Variants in MDGA2 observed in about 807,000 individuals in gnomAD.
MDGA2 encodes MAM domain containing glycosylphosphatidylinositol anchor 2, also known as MAM domain-containing glycosylphosphatidylinositol anchor protein 2.
Under a neutral mutation model 117.8 loss-of-function variants are expected in MDGA2, and 40 were observed. The ratio of observed to expected loss-of-function variants is 0.34; its 90% confidence interval spans 0.26 to 0.44. The LOEUF (loss-of-function observed/expected upper bound fraction) is 0.44. Among genes scored for constraint, MDGA2 ranks in the 20% least tolerant of loss-of-function variants. The pLI, the probability that MDGA2 is intolerant of heterozygous loss-of-function variation, is 1.00. For synonymous variants in MDGA2, 452 were observed against 439.0 expected, an observed-to-expected ratio of 1.03 and a Z score of -0.37; for missense variants, 1,123 against 1,250.6, an observed-to-expected ratio of 0.90 and a Z score of 1.54.
chr14:46,995,887 TATATA>T (rs1260776705), intron 8 of MDGA2, among the ~76,000 whole-genome samples: 8 of 152,124 alleles, frequency 5.3e-5, no homozygotes, highest in East Asian at 1.9e-4. Context: ...TTCTGTATAT[TATATA>T]ATATATTTTG....
chr14:46,905,112 TTATTTCA>T (rs1461364148), intron 10 of MDGA2, among the ~76,000 whole-genome samples: 1 of 152,240 alleles, frequency 6.6e-6, no homozygotes, highest in Non-Finnish European at 1.5e-5. Context: ...TGATTATCTT[TTATTTCA>T]TATTTCATTC....
At chr14:47,040,350 CTTTT>C (rs936548302) in intron 7 of MDGA2, among the ~76,000 whole-genome samples, 3 of 151,816 alleles carry the variant, frequency 2.0e-5, no homozygotes, top group Non-Finnish European at 4.4e-5. Context: ...TTATTTCCCT[CTTTT>C]TTTTACTGAT....
chr14:47,035,517 A>G (rs1424654728), intron 7 of MDGA2, among the ~76,000 whole-genome samples: 2 of 152,246 alleles, frequency 1.3e-5, no homozygotes, highest in East Asian at 3.8e-4. Context: ...TTCAAACATT[A>G]GCAAAATAAA....
At chr14:46,889,542 T>C (rs1882800319) in intron 10 of MDGA2, among the ~76,000 whole-genome samples, 2 of 152,142 alleles carry the variant, frequency 1.3e-5, no homozygotes, top group Non-Finnish European at 2.9e-5. Context: ...AGTTGTGTTC[T>C]AGCGTCTAGC....
chr14:47,638,771 T>C (rs184350237), intron 1 of MDGA2, among the ~76,000 whole-genome samples: 6 of 152,270 alleles, frequency 3.9e-5, no homozygotes, highest in African/African-American at 1.4e-4. Context: ...TAGTCAAGTC[T>C]TTACCCATGC....
intron 9 of MDGA2, among the ~76,000 whole-genome samples, chr14:46,935,416 A>G (rs1884744540): frequency 6.6e-6 from 1 of 152,240 alleles, no homozygotes; most frequent in Non-Finnish European, 1.5e-5. Flanking sequence ...TAGAAACTCA[A>G]TTGCTTATTT....
rs113269306 is a variant in MDGA2, at chr14:47,102,389, A to G, written c.926-5266T>C. Among the ~76,000 whole-genome samples, 93 of 148,432 alleles carry G rather than the reference A, an allele frequency of 6.3e-4. 2 individuals are homozygous for G. Among genetic ancestry groups the G allele is most frequent in the African/African-American group, 2.3e-3 (90 of 39,188 alleles). On this transcript the variant is annotated intron_variant, in intron 5 of 16. Coordinates refer to ENST00000399232, the MANE Select transcript of MDGA2 (RefSeq NM_001113498.3). ...GAAACACACACACACACACACACACACACAAACACACACACACACACACAA... is the reference window on the plus strand; with the variant it reads ...GAAACACACACACACACACACACACGCACAAACACACACACACACACACAA...
intron 2 of MDGA2, among the ~76,000 whole-genome samples, chr14:47,294,707 T>TA (rs1203992806): frequency 1.3e-5 from 2 of 152,240 alleles, no homozygotes; most frequent in East Asian, 1.9e-4. Flanking sequence ...TCTCATTTTG[T>TA]AAAAAATTTA....
chr14:47,115,539 C>T (rs981602838), intron 5 of MDGA2, among the ~76,000 whole-genome samples: 1 of 151,572 alleles, frequency 6.6e-6, no homozygotes, highest in African/African-American at 2.4e-5. Context: ...TATTGATATG[C>T]CTTCCACATG....
chr14:47,025,309 T>A (rs1888432580), intron 8 of MDGA2, among the ~76,000 whole-genome samples: 1 of 152,284 alleles, frequency 6.6e-6, no homozygotes, highest in South Asian at 2.1e-4. Context: ...TACATTAAAT[T>A]GCTTCTGGAT....
chr14:47,271,775 A>G (rs1161330779), intron 2 of MDGA2, among the ~76,000 whole-genome samples: 1 of 152,194 alleles, frequency 6.6e-6, no homozygotes, highest in Admixed American at 6.6e-5. Flanking sequence ...TTTATAAATA[A>G]TTTCTCAAAT....
intron 1 of MDGA2, among the ~76,000 whole-genome samples, chr14:47,402,781 A>AAC (rs374721868): frequency 9.9e-5 from 15 of 151,866 alleles, no homozygotes; most frequent in Admixed American, 2.6e-4. Flanking sequence ...GGAACACACA[A>AAC]ACACACACAC....
intron 1 of MDGA2, among the ~76,000 whole-genome samples, chr14:47,438,290 T>C (rs1247801887): frequency 2.6e-5 from 4 of 152,120 alleles, no homozygotes; most frequent in Non-Finnish European, 5.9e-5. Flanking sequence ...TTTTGCAATT[T>C]TGCAATGGGA....
At chr14:47,625,486 T>C (rs1044318327) in intron 1 of MDGA2, among the ~76,000 whole-genome samples, 2 of 152,220 alleles carry the variant, frequency 1.3e-5, no homozygotes, top group Non-Finnish European at 2.9e-5. Context: ...AAAATTCATA[T>C]TTGTATTTTC....
intron 9 of MDGA2, among the ~76,000 whole-genome samples, chr14:46,949,215 C>A (rs1885281467): frequency 6.6e-6 from 1 of 152,020 alleles, no homozygotes; most frequent in Admixed American, 6.6e-5. Flanking sequence ...ATCTTCCATT[C>A]ATGGGAGAAC....
chr14:47,169,885 T>C (rs1179969312), intron 3 of MDGA2, among the ~76,000 whole-genome samples: 1 of 152,064 alleles, frequency 6.6e-6, no homozygotes, highest in African/African-American at 2.4e-5. Context: ...TATATTTAAA[T>C]GAGAAAACTC....
At chr14:47,546,757 A>C (rs1895470983) in intron 1 of MDGA2, among the ~76,000 whole-genome samples, 1 of 152,156 alleles carries the variant, frequency 6.6e-6, no homozygotes, top group African/African-American at 2.4e-5. Context: ...CTGGGATTTC[A>C]AATTAATTTA....
chr14:47,165,693 C>G (rs1219504955), intron 3 of MDGA2, among the ~76,000 whole-genome samples: 1 of 152,134 alleles, frequency 6.6e-6, no homozygotes, highest in African/African-American at 2.4e-5. Context: ...TATGGATGGT[C>G]TTTTAAAATG....
In MDGA2 at chr14:47,508,719, G is replaced by A. The variant is rs751643170; in HGVS notation, c.280+165798C>T. Among the ~76,000 whole-genome samples the A allele has an allele frequency of 7.9e-5, 12 of 151,904 alleles. No homozygotes were observed. In the East Asian group the frequency reaches 9.7e-4, roughly 12 times the overall value. Reference sequence around the variant, plus strand: ...TTTTGAGACAGAGTCTCACACTGTCGCCCAGGCTGGAGTGCTGTGGTGCCA... The same window carrying A: ...TTTTGAGACAGAGTCTCACACTGTCACCCAGGCTGGAGTGCTGTGGTGCCA... On this transcript the variant is annotated intron_variant, in intron 1 of 16. Transcript: ENST00000399232.
Sources: gnomAD v4.1 joint callset for allele counts (sites outside exome capture counted in the v4.1 genomes callset) on GRCh38, gnomAD v4.1.1 for gene constraint, MANE v1.5 for transcripts, NCBI Gene and HGNC (gene_info 2026-07-23, HGNC 2026-07-21) for gene names.